The following PLA2G5 variants were observed in gnomAD, a reference collection of about 807,000 sequenced individuals.
The protein encoded by PLA2G5 is phospholipase A2 group V.
In PLA2G5, 12 loss-of-function variants were observed where a neutral mutation model predicts 15.9. That is an observed-to-expected ratio of 0.76 (90% CI 0.48 to 1.23). PLA2G5 has a LOEUF of 1.23. Ranked by LOEUF, PLA2G5 falls within the 50% of genes most tolerant of loss-of-function variation. The pLI is 0.00. For missense variants in PLA2G5, 169 were observed against 177.1 expected, an observed-to-expected ratio of 0.95 and a Z score of 0.26; for synonymous variants, 71 against 71.4, an observed-to-expected ratio of 0.99 and a Z score of 0.03.
At chr1:20,088,088 T>C (rs2016384780) in intron 3 of PLA2G5, among the ~76,000 whole-genome samples, 1 of 151,476 alleles carries the variant, frequency 6.6e-6, no homozygotes. Context: ...CCGGGCGCGG[T>C]GGCTCACGCC....
chr1:20,069,304 G>A (rs1409778400), upstream of PLA2G5, among the ~76,000 whole-genome samples: 1 of 152,166 alleles, frequency 6.6e-6, no homozygotes, highest in Admixed American at 6.5e-5. Context: ...GGAAGCAATA[G>A]GCAAATCCAA....
At chr1:20,087,425 G>C (rs2016344831) in intron 3 of PLA2G5, among the ~76,000 whole-genome samples, 1 of 151,440 alleles carries the variant, frequency 6.6e-6, no homozygotes, top group South Asian at 2.1e-4. Context: ...ACGGAGTCTT[G>C]CTCTGTCGCC....
chr1:20,079,914 C>T (rs933976347), intron 1 of PLA2G5, among the ~76,000 whole-genome samples: 5 of 152,136 alleles, frequency 3.3e-5, no homozygotes, highest in Non-Finnish European at 5.9e-5. Flanking sequence ...ACCACCTGGA[C>T]GTGGCAGGCA....
At chr1:20,033,442 T>A (rs969477984) in intron 1 of PLA2G5, among the ~76,000 whole-genome samples, 8 of 152,148 alleles carry the variant, frequency 5.3e-5, no homozygotes, top group African/African-American at 1.9e-4. Context: ...GACATATACC[T>A]GCTATAAGCA....
intron 1 of PLA2G5, among the ~76,000 whole-genome samples, chr1:20,042,923 G>C (rs1290906447): frequency 1.3e-5 from 2 of 151,758 alleles, no homozygotes; most frequent in Non-Finnish European, 2.9e-5. Flanking sequence ...CTGTTGGGAA[G>C]ATTTGTAGGA....
chr1:20,031,813 GGGA>G (rs1254338069), intron 1 of PLA2G5, among the ~76,000 whole-genome samples: 2 of 152,266 alleles, frequency 1.3e-5, no homozygotes, highest in African/African-American at 2.4e-5. Context: ...GATTGGAGAA[GGGA>G]GGAGGAGAAG....
intron 1 of PLA2G5, among the ~76,000 whole-genome samples, chr1:20,080,089 G>A (rs975979784): frequency 1.3e-5 from 2 of 152,186 alleles, no homozygotes; most frequent in African/African-American, 4.8e-5. Context: ...CCTGGGTTGA[G>A]GCTGAGCAAA....
chr1:20,087,495 G>A (rs1031218681), intron 3 of PLA2G5, among the ~76,000 whole-genome samples: 1 of 151,914 alleles, frequency 6.6e-6, no homozygotes, highest in Non-Finnish European at 1.5e-5. Flanking sequence ...CTGGGTTCAT[G>A]CCGTTCTCCT....
intron 1 of PLA2G5, among the ~76,000 whole-genome samples, chr1:20,032,706 A>G (rs2013026511): frequency 6.6e-6 from 1 of 152,212 alleles, no homozygotes; most frequent in Admixed American, 6.5e-5. Context: ...GGGCAAGACA[A>G]TTTTATTACT....
At chr1:20,030,574 A>C (rs1268665951) in intron 1 of PLA2G5, among the ~76,000 whole-genome samples, 2 of 151,630 alleles carry the variant, frequency 1.3e-5, no homozygotes, top group Non-Finnish European at 2.9e-5. Flanking sequence ...TCTTTCACTA[A>C]TCCTCCTCAG....
chr1:20,051,030 A>G (rs1159055803), intron 1 of PLA2G5, among the ~76,000 whole-genome samples: 1 of 152,252 alleles, frequency 6.6e-6, no homozygotes, highest in Non-Finnish European at 1.5e-5. Flanking sequence ...GGAAACTTCT[A>G]TAATTCTGAT....
At chr1:20,079,116 A>ATG (rs2015863525) in intron 1 of PLA2G5, among the ~76,000 whole-genome samples, 2 of 136,116 alleles carry the variant, frequency 1.5e-5, no homozygotes, top group African/African-American at 2.9e-5. Context: ...CCTGTCTCAA[A>ATG]AAAAAAAAAA....
At chr1:20,040,242 G>A (rs1168746971) in intron 1 of PLA2G5, among the ~76,000 whole-genome samples, 1 of 152,006 alleles carries the variant, frequency 6.6e-6, no homozygotes, top group African/African-American at 2.4e-5. Flanking sequence ...CTTTCACCTG[G>A]TTTCTTTAAC....
At chr1:20,049,717 T>C (rs1483939430) in intron 1 of PLA2G5, among the ~76,000 whole-genome samples, 1 of 152,232 alleles carries the variant, frequency 6.6e-6, no homozygotes, top group African/African-American at 2.4e-5. Context: ...TCCCCAGCCA[T>C]ATGGAACTGT....
chr1:20,028,834 T>A (rs1360249231), intron 1 of PLA2G5: 2 of 152,258 alleles, frequency 1.3e-5, no homozygotes, highest in African/African-American at 4.8e-5. Context: ...AAAGGTTCCC[T>A]CATACCCCTT....
At chr1:20,048,929 A>C (rs1011866162) in intron 1 of PLA2G5, among the ~76,000 whole-genome samples, 6 of 152,188 alleles carry the variant, frequency 3.9e-5, no homozygotes, top group African/African-American at 1.4e-4. Context: ...TTTTCCAATA[A>C]AAATATATTC....
upstream of PLA2G5, among the ~76,000 whole-genome samples, chr1:20,065,589 CTTAT>C: frequency 6.6e-6 from 1 of 152,098 alleles, no homozygotes; most frequent in Non-Finnish European, 1.5e-5. Context: ...GATTTGATAG[CTTAT>C]TTCTTTTTGA....
chr1:20,055,117 A>G (rs1219210825), intron 1 of PLA2G5, among the ~76,000 whole-genome samples: 1 of 152,220 alleles, frequency 6.6e-6, no homozygotes, highest in African/African-American at 2.4e-5. Flanking sequence ...TGGGAATGCA[A>G]CTGTGAGCAA....
At chr1:20,039,878 G>A (rs1434840311) in intron 1 of PLA2G5, among the ~76,000 whole-genome samples, 1 of 152,152 alleles carries the variant, frequency 6.6e-6, no homozygotes, top group Non-Finnish European at 1.5e-5. Flanking sequence ...GTAACCGTCT[G>A]TAATATATCT....
Sources: allele counts gnomAD v4.1 joint callset (sites outside exome capture counted in the v4.1 genomes callset), GRCh38; gene constraint gnomAD v4.1.1; transcripts MANE v1.5; gene names NCBI Gene and HGNC (gene_info 2026-07-23, HGNC 2026-07-21).